Variants in MUTYH observed in about 807,000 individuals in gnomAD.
The protein encoded by MUTYH is mutY DNA glycosylase.
Under a neutral mutation model 72.9 loss-of-function variants are expected in MUTYH, and 64 were observed. That is an observed-to-expected ratio of 0.88 (90% CI 0.72 to 1.08). The LOEUF is 1.08. Ranked by LOEUF, MUTYH falls within the 50% of genes least tolerant of loss-of-function variation. The pLI is 0.00. For missense variants in MUTYH, 633 were observed against 671.0 expected (o/e 0.94, Z 0.63); for synonymous variants, 234 against 263.1 (o/e 0.89, Z 1.07).
rs1644619312 is a variant in MUTYH at position 45,330,525 on chromosome 1, C to T, written c.1425G>A (p.Gly475=). ...VFRVYQGQQP[G]TCMGSKRSQV... ...GGCCTAGGAGACTTACCATACAGGT[C>T]CCTGGCTGTTGGCCCTGATACACAC... Residue 475 remains glycine (G), a synonymous_variant, in exon 15 of 16, where the codon GGG becomes GGA. Coordinates refer to ENST00000456914, the MANE Select transcript of MUTYH (RefSeq NM_001048174.2). 1 of 1,609,802 alleles carries T rather than the reference C, an allele frequency of 6.2e-7. No homozygotes were observed. Among genetic ancestry groups the T allele is most frequent in the Non-Finnish European group, 8.5e-7 (1 of 1,177,880 alleles).
chr1:45,334,406 G>C lies in MUTYH; in HGVS notation c.100C>G (p.Pro34Ala). The C allele has an allele frequency of 6.2e-7, 1 of 1,614,112 alleles. No individual in the cohort carries two copies. The highest frequency in any genetic ancestry group is 1.3e-5 in the African/African-American group (1 of 75,040). Residue 34 changes from proline to alanine, a missense_variant, in exon 2 of 16, where the codon CCT (proline) becomes GCT (alanine). Physicochemically the swap from Pro to Ala is conservative, Grantham distance 27. Coordinates refer to ENST00000456914, the MANE Select transcript of MUTYH (RefSeq NM_001048174.2). ...KHAKNNSQAK[P>A]SACDGLARQP... ...AGTTCCTTACCATCACAGGCAGAAG[G>C]CTTGGCCTGACTGTTGTTCTTAGCA...
At chr1:45,334,580 G>T (rs1052633911) in intron 1 of MUTYH, 69 bp from the exon 2 acceptor site, 3 of 1,601,868 alleles carry the variant, frequency 1.9e-6, no homozygotes, top group African/African-American at 2.7e-5. Flanking sequence ...TTCCAAGGGT[G>T]ATAGCTATCT....
intron 2 of MUTYH, 174 bp downstream of exon 2, chr1:45,334,216 TG>T: frequency 1.1e-6 from 1 of 903,654 alleles, no homozygotes; most frequent in Non-Finnish European, 1.7e-6. Context: ...CTCAAACTCC[TG>T]GGCTCAAGGG....
chr1:45,337,741 A>G (rs3219474), intron 1 of MUTYH, among the ~76,000 whole-genome samples: 8,467 of 152,042 alleles, frequency 0.056, 285 homozygotes, highest in Non-Finnish European at 0.078. Flanking sequence ...CTCTTAAAGA[A>G]AAAAAAAGAT....
chr1:45,331,998 G>A (rs2149132786), intron 11 of MUTYH, 25 bp downstream of exon 11: 1 of 1,614,182 alleles, frequency 6.2e-7, no homozygotes, highest in Non-Finnish European at 8.5e-7. Flanking sequence ...GAAGGGTTGG[G>A]GTGGGGGCTA....
chr1:45,332,203 T>C lies in MUTYH; in HGVS notation c.812A>G (p.Gln271Arg). Residue 271 changes from glutamine to arginine, a missense_variant, in exon 10 of 16, where the codon CAG becomes CGG. By Grantham distance (43) the Gln-to-Arg change is conservative. Transcript: ENST00000456914. ...VCTPQRPLCS[Q>R]CPVESLCRAR... ...CCGGCACAGGCTCTCCACAGGGCAC[T>C]GGCTGCACAGTGGGCGCTGTGGGGT... 6.2e-7 allele frequency: 1 copy of C among 1,614,192 alleles called. No homozygotes were observed. Among genetic ancestry groups the C allele is most frequent in the Non-Finnish European group, 8.5e-7 (1 of 1,180,014 alleles).
intron 1 of MUTYH, chr1:45,338,573 A>C: frequency 7.0e-6 from 2 of 287,610 alleles, no homozygotes; most frequent in Non-Finnish European, 1.4e-5. Flanking sequence ...GACTGTAAAA[A>C]ACGACTTGAG....
intron 1 of MUTYH, among the ~76,000 whole-genome samples, chr1:45,338,815 C>G (rs1570550790): frequency 6.6e-6 from 1 of 151,598 alleles, no homozygotes; most frequent in African/African-American, 2.4e-5. Flanking sequence ...GCCACTCAGG[C>G]TGGAGTGCAA....
chr1:45,337,448 C>T (rs1262883460), intron 1 of MUTYH, among the ~76,000 whole-genome samples: 1 of 152,128 alleles, frequency 6.6e-6, no homozygotes, highest in African/African-American at 2.4e-5. Context: ...TGAGCCACGG[C>T]GCCTGGTGAC....
intron 1 of MUTYH, among the ~76,000 whole-genome samples, chr1:45,339,206 T>C: frequency 1.6e-5 from 1 of 63,934 alleles, no homozygotes; most frequent in South Asian, 4.1e-4. Context: ...CCAATAGGAA[T>C]TTTTTTTTTT....
chr1:45,336,532 TC>T (rs924737947), intron 1 of MUTYH, among the ~76,000 whole-genome samples: 11 of 151,782 alleles, frequency 7.2e-5, no homozygotes, highest in African/African-American at 9.7e-5. Context: ...CTTGGTAATC[TC>T]CCCCCCACCC....
At chr1:45,330,228 C>CAAAAA (rs34168747) in intron 15 of MUTYH, among the ~76,000 whole-genome samples, 6 of 62,932 alleles carry the variant, frequency 9.5e-5, no homozygotes, top group Admixed American at 4.0e-4. Context: ...GAGACTGTCT[C>CAAAAA]AAAAAAAAAA....
In MUTYH at chr1:45,332,699, G is replaced by A. The variant is rs1430529522; in HGVS notation, c.493-12C>T. 6.2e-7 allele frequency: 1 copy of A among 1,614,068 alleles called. No homozygotes were observed. The highest frequency in any genetic ancestry group is 8.5e-7 in the Non-Finnish European group (1 of 1,179,930). The stretch of plus-strand genomic sequence containing the variant: ...AGCTCCTCTACCACCTGATTGGAGT[G>A]CAAGACTCAAGATTATAAGACACCC... On this transcript the variant is annotated splice_polypyrimidine_tract_variant and intron_variant, in intron 7 of 15. Coordinates refer to ENST00000456914, the MANE Select transcript of MUTYH (RefSeq NM_001048174.2).
intron 2 of MUTYH, 109 bp downstream of exon 2, chr1:45,334,282 C>T: frequency 6.5e-7 from 1 of 1,544,370 alleles, no homozygotes; most frequent in South Asian, 1.1e-5. Context: ...AGCCACCGCA[C>T]CTGGCCCTTA....
At chr1:45,338,897 G>A (rs1049514308) in intron 1 of MUTYH, among the ~76,000 whole-genome samples, 1 of 151,948 alleles carries the variant, frequency 6.6e-6, no homozygotes, top group Admixed American at 6.6e-5. Context: ...TCCTGTAGCT[G>A]GGACTACAGG....
chr1:45,334,232 A>G, intron 2 of MUTYH, 159 bp downstream of exon 2: 2 of 1,081,238 alleles, frequency 1.8e-6, no homozygotes, highest in East Asian at 5.4e-5. Flanking sequence ...CAAGGGATCC[A>G]CCTGCCTCGG....
chr1:45,334,137 G>C (rs1394083886), intron 2 of MUTYH: 3 of 454,116 alleles, frequency 6.6e-6, no homozygotes, highest in Non-Finnish European at 1.2e-5. Context: ...TTCCCGAGTA[G>C]CTGGGACTAC....
At chr1:45,333,763 G>T in intron 2 of MUTYH, 1 of 287,198 alleles carries the variant, frequency 3.5e-6, no homozygotes, top group African/African-American at 2.3e-5. Context: ...TTCTCAGGGT[G>T]GTACTACTGG....
chr1:45,340,138 A>C, upstream of MUTYH: 1 of 1,578,918 alleles, frequency 6.3e-7, no homozygotes. Context: ...AGTTCGACCC[A>C]TCGGCGACCC....
Sources: gnomAD v4.1 joint callset for allele counts (sites outside exome capture counted in the v4.1 genomes callset) on GRCh38, gnomAD v4.1.1 for gene constraint, MANE v1.5 for transcripts, NCBI Gene and HGNC (gene_info 2026-07-23, HGNC 2026-07-21) for gene names.